RAI1: variants seen among roughly 807,000 people sequenced by gnomAD.
RAI1 encodes the protein retinoic acid-induced protein 1.
RAI1 carries 9 observed loss-of-function variants against 123.8 expected under a neutral mutation model. The ratio of observed to expected loss-of-function variants is 0.07; its 90% CI spans 0.04 to 0.13. The LOEUF is 0.13. Among genes scored for constraint, RAI1 ranks in the 10% least tolerant of loss-of-function variants. RAI1 has a pLI of 1.00. For synonymous variants in RAI1, 1,231 were observed against 1,127.3 expected (o/e 1.09, Z -1.84); for missense variants, 2,256 against 2,545.8 (o/e 0.89, Z 2.45).
chr17:17,778,584 T>A (rs756961994), intron 2 of RAI1: 10 of 373,374 alleles, frequency 2.7e-5, no homozygotes, highest in Admixed American at 6.6e-5. Flanking sequence ...CCATTTACAA[T>A]CAGAGTGGGC....
At chr17:17,748,891 C>T (rs1410558089) in intron 2 of RAI1, among the ~76,000 whole-genome samples, 3 of 152,112 alleles carry the variant, frequency 2.0e-5, no homozygotes, top group Non-Finnish European at 4.4e-5. Flanking sequence ...AATGGGACCT[C>T]CTCTAGCTGC....
chr17:17,781,050 C>G (rs977890043), intron 2 of RAI1, among the ~76,000 whole-genome samples: 5 of 152,230 alleles, frequency 3.3e-5, no homozygotes, highest in East Asian at 3.9e-4. Context: ...CTCCACCCCC[C>G]ACCAGAGGCT....
chr17:17,740,422 C>T (rs1916585503), intron 2 of RAI1, among the ~76,000 whole-genome samples: 1 of 152,244 alleles, frequency 6.6e-6, no homozygotes, highest in Non-Finnish European at 1.5e-5. Context: ...GGTCACCCAT[C>T]TCTTCTTTGC....
chr17:17,780,540 G>T (rs2142997940), intron 2 of RAI1, among the ~76,000 whole-genome samples: 1 of 152,324 alleles, frequency 6.6e-6, no homozygotes, highest in Admixed American at 6.5e-5. Flanking sequence ...GGGGGACCAG[G>T]GAGGGCCCCC....
intron 2 of RAI1, among the ~76,000 whole-genome samples, chr17:17,765,659 G>C (rs1365716766): frequency 6.6e-6 from 1 of 152,246 alleles, no homozygotes; most frequent in Non-Finnish European, 1.5e-5. Context: ...CAAGTCACCC[G>C]TTTCACAAGA....
chr17:17,786,664 A>G (rs1166990777), intron 2 of RAI1, among the ~76,000 whole-genome samples: 2 of 152,238 alleles, frequency 1.3e-5, no homozygotes, highest in African/African-American at 4.8e-5. Flanking sequence ...CAGTCAGACA[A>G]ACCTGCAGAC....
intron 2 of RAI1, chr17:17,782,054 C>G (rs1203003458): frequency 2.0e-5 from 3 of 152,304 alleles, no homozygotes; most frequent in East Asian, 3.9e-4. Flanking sequence ...GACGACAGCG[C>G]CGGGCTCCCC....
chr17:17,745,800 G>C (rs911771911), intron 2 of RAI1, among the ~76,000 whole-genome samples: 1 of 152,202 alleles, frequency 6.6e-6, no homozygotes, highest in Non-Finnish European at 1.5e-5. Flanking sequence ...GTGTACCCGG[G>C]GGGCTTGTGT....
intron 2 of RAI1, chr17:17,779,481 T>G (rs1449759119): frequency 6.4e-6 from 1 of 157,188 alleles, no homozygotes; most frequent in Non-Finnish European, 1.4e-5. Flanking sequence ...TAGTCTGTTG[T>G]CGGGGAGGGG....
At chr17:17,749,353 G>A (rs377605628) in intron 2 of RAI1, among the ~76,000 whole-genome samples, 35 of 152,336 alleles carry the variant, frequency 2.3e-4, no homozygotes, top group Non-Finnish European at 4.4e-4. Flanking sequence ...AGACAGCTCT[G>A]CTCACCTCCT....
At chr17:17,702,657 C>T (rs940822339) in intron 1 of RAI1, among the ~76,000 whole-genome samples, 2 of 152,164 alleles carry the variant, frequency 1.3e-5, no homozygotes, top group South Asian at 2.1e-4. Context: ...TGGCATGCCT[C>T]GGGGTTCTGC....
rs550030101 is a variant in RAI1, at chr17:17,810,338, T to C, written c.*357T>C. On this transcript the variant is annotated 3_prime_UTR_variant, in exon 6 of 6. Coordinates refer to ENST00000353383, the MANE Select transcript of RAI1 (RefSeq NM_030665.4). The surrounding 1 kb of genome is among the most constrained non-coding windows in gnomAD (Gnocchi z 4.6). ...AGACGGCTTTGTCCTGGGGACACTT[T>C]CCCTCTGGAATCTCAAGACGACGTG... 5.8e-4 allele frequency: 210 copies of C among 361,734 alleles called. 1 individual carries two copies. In the South Asian group the frequency reaches 9.1e-3, roughly 16 times the overall value. The allele number at this position is 361,734 out of a possible 1,614,324, so 22.4% of individuals were successfully genotyped here. A position where few individuals can be genotyped will look rare whatever the true frequency, so the allele number is the denominator to read the frequency against.
intron 2 of RAI1, among the ~76,000 whole-genome samples, chr17:17,787,376 C>G (rs1344196527): frequency 1.3e-5 from 2 of 152,244 alleles, no homozygotes; most frequent in Non-Finnish European, 2.9e-5. Flanking sequence ...ATCAGCACCC[C>G]CCACCCTTTT....
intron 2 of RAI1, among the ~76,000 whole-genome samples, chr17:17,733,295 G>A (rs1264071795): frequency 6.6e-6 from 1 of 152,212 alleles, no homozygotes; most frequent in Non-Finnish European, 1.5e-5. Flanking sequence ...GAATTCTCCA[G>A]GCCAGAAAGA....
intron 2 of RAI1, among the ~76,000 whole-genome samples, chr17:17,745,858 T>C (rs11655029): frequency 0.61 from 92,450 of 151,974 alleles, 29,225 homozygotes; most frequent in Non-Finnish European, 0.68. Flanking sequence ...GAGGAAGCCG[T>C]GAGGATGTGG....
intron 1 of RAI1, chr17:17,683,641 C>G (rs1467060125): frequency 6.6e-6 from 1 of 152,260 alleles, no homozygotes; most frequent in Non-Finnish European, 1.5e-5. Flanking sequence ...GCAGGCTCAG[C>G]CCCATAACTC....
At position 17,734,012 on chromosome 17, in the gene RAI1, G is replaced by T. The variant is rs538890041; in HGVS notation, c.-17+9853G>T. On this transcript the variant is annotated intron_variant, in intron 2 of 5. Coordinates refer to ENST00000353383, the MANE Select transcript of RAI1 (RefSeq NM_030665.4). Reference sequence around the variant, plus strand: ...CCACTGCTTGGTTTATTTTTCTCACGTTTTTGGGTGAGGATCTTGGTTCCT... The same window carrying T: ...CCACTGCTTGGTTTATTTTTCTCACTTTTTTGGGTGAGGATCTTGGTTCCT... 2.0e-5 allele frequency among the ~76,000 whole-genome samples: 3 copies of T among 152,240 alleles called. No homozygotes were observed. The South Asian group carries it at 6.2e-4, about 32-fold the overall frequency.
chr17:17,776,359 T>A (rs1290062135), intron 2 of RAI1, among the ~76,000 whole-genome samples: 1 of 152,232 alleles, frequency 6.6e-6, no homozygotes, highest in East Asian at 1.9e-4. Flanking sequence ...TTCCTTTTTA[T>A]ACAAATGTTT....
chr17:17,700,995 C>T (rs1016939355), intron 1 of RAI1, among the ~76,000 whole-genome samples: 17 of 152,210 alleles, frequency 1.1e-4, no homozygotes, highest in African/African-American at 3.4e-4. Context: ...TGCCTCATCT[C>T]GGCCTTACTC....
Sources: gnomAD v4.1 joint callset for allele counts (sites outside exome capture counted in the v4.1 genomes callset) on GRCh38, gnomAD v4.1.1 for gene constraint, Gnocchi (gnomAD v3.1) non-coding constraint, MANE v1.5 for transcripts, NCBI Gene and HGNC (gene_info 2026-07-23, HGNC 2026-07-21) for gene names.